RPGRIP1L: variants seen among roughly 807,000 people sequenced by gnomAD.
RPGRIP1L encodes protein fantom.
RPGRIP1L carries 131 observed loss-of-function variants against 160.4 expected under a neutral mutation model. The observed-to-expected ratio is 0.82, with a 90% CI of 0.71 to 0.94. The LOEUF (loss-of-function observed/expected upper bound fraction) is 0.94, where lower values mean the gene tolerates loss of function less well. Ranked by LOEUF, RPGRIP1L falls within the 40% of genes least tolerant of loss-of-function variation. The pLI, the probability that RPGRIP1L is intolerant of heterozygous loss-of-function variation, is 0.00. For missense variants in RPGRIP1L, 1,522 were observed against 1,535.8 expected (o/e 0.99, Z 0.15); for synonymous variants, 510 against 515.8 (o/e 0.99, Z 0.15).
rs530372835 is a variant in RPGRIP1L at position 53,654,633 on chromosome 16, G to A, written c.1700-1646C>T. 9.7e-4 allele frequency among the ~76,000 whole-genome samples: 148 copies of A among 152,278 alleles called. 3 individuals are homozygous for A. The South Asian group carries it at 0.02, about 20-fold the overall frequency. ...TGTCAACATCTTAGGAGTTCCATGA[G>A]GGTAGTGCCTCAGTTTTTCCTATTT... On this transcript the variant is annotated intron_variant, in intron 14 of 26. Coordinates refer to ENST00000647211, the MANE Select transcript of RPGRIP1L (RefSeq NM_015272.5).
At chr16:53,636,323 A>T in intron 22 of RPGRIP1L, 116 bp downstream of exon 22, 1 of 777,282 alleles carries the variant, frequency 1.3e-6, no homozygotes, top group Non-Finnish European at 2.2e-6. Context: ...GATAAACATT[A>T]AAGTTTTTCC....
At chr16:53,672,090 T>C (rs981584762) in intron 8 of RPGRIP1L, among the ~76,000 whole-genome samples, 1 of 152,172 alleles carries the variant, frequency 6.6e-6, no homozygotes, top group African/African-American at 2.4e-5. Flanking sequence ...TAGCACCTTT[T>C]GTGAATAAAT....
intron 2 of RPGRIP1L, among the ~76,000 whole-genome samples, chr16:53,698,395 G>A (rs1353244382): frequency 1.2e-4 from 17 of 140,872 alleles, no homozygotes; most frequent in East Asian, 2.3e-4. Flanking sequence ...CCGGCCAGCC[G>A]TCCTGTCTGG....
At position 53,610,993 on chromosome 16, in the gene RPGRIP1L, T is replaced by C; in HGVS notation, c.3675A>G (p.Leu1225=). Residue 1225 remains leucine, a synonymous_variant, in exon 25 of 27, where the codon CTA becomes CTG. Coordinates refer to ENST00000647211, the MANE Select transcript of RPGRIP1L (RefSeq NM_015272.5). The part of the protein sequence containing the change: ...KAKRDILKAI[L]QKQEMPNRSL... ...TTCTATTAGGCATCTCTTGTTTTTGTAGTATAGCTTTTAAGATGTCTCTCT... is the reference window on the plus strand; with the variant it reads ...TTCTATTAGGCATCTCTTGTTTTTGCAGTATAGCTTTTAAGATGTCTCTCT... The C allele has an allele frequency of 6.2e-7, 1 of 1,612,596 alleles. No homozygotes were observed. The highest frequency in any genetic ancestry group is 8.5e-7 in the Non-Finnish European group (1 of 1,178,690).
intron 14 of RPGRIP1L, 112 bp from the exon 15 acceptor site, chr16:53,653,099 A>G (rs1265549852): frequency 4.3e-6 from 4 of 941,110 alleles, no homozygotes; most frequent in East Asian, 5.1e-5. Context: ...TCTATTTTAA[A>G]TTCTATGACT....
intron 4 of RPGRIP1L, among the ~76,000 whole-genome samples, chr16:53,688,837 G>A (rs1476497632): frequency 6.6e-6 from 1 of 151,948 alleles, no homozygotes; most frequent in Non-Finnish European, 1.5e-5. Flanking sequence ...TCTTTCCAAA[G>A]TAGTCAATAT....
intron 17 of RPGRIP1L, among the ~76,000 whole-genome samples, chr16:53,644,861 G>C (rs1598307457): frequency 6.6e-6 from 1 of 152,152 alleles, no homozygotes; most frequent in African/African-American, 2.4e-5. Flanking sequence ...GAAGGAAAGA[G>C]ACAGGAAATG....
chr16:53,629,146 C>T (rs1373260321), intron 22 of RPGRIP1L, among the ~76,000 whole-genome samples: 2 of 152,100 alleles, frequency 1.3e-5, no homozygotes, highest in African/African-American at 4.8e-5. Context: ...TGTTGCAGTG[C>T]AGTGGTTCTT....
intron 22 of RPGRIP1L, among the ~76,000 whole-genome samples, chr16:53,634,118 G>A (rs986300272): frequency 6.6e-6 from 1 of 152,146 alleles, no homozygotes; most frequent in African/African-American, 2.4e-5. Flanking sequence ...ATGGTGCCTT[G>A]TTGCTGCATC....
intron 6 of RPGRIP1L, among the ~76,000 whole-genome samples, chr16:53,682,691 T>C (rs1191786578): frequency 5.9e-5 from 9 of 152,172 alleles, no homozygotes; most frequent in Non-Finnish European, 2.9e-5. Flanking sequence ...ATTCAGACAA[T>C]GTCTTAAACA....
At position 53,700,624 on chromosome 16, in the gene RPGRIP1L, A is replaced by T; in HGVS notation, c.85+15T>A. The T allele has an allele frequency of 6.3e-7, 1 of 1,592,124 alleles. No homozygotes were observed. The highest frequency in any genetic ancestry group is 8.6e-7 in the Non-Finnish European group (1 of 1,161,116). ...ATCAAAGTTCATAACTGTAATAAAT[A>T]ACAGCTGGCCATACCTTGTAACCCT... On this transcript the variant is annotated intron_variant, in intron 2 of 26. Transcript: ENST00000647211.
rs1242588637 is a variant in RPGRIP1L, at chr16:53,692,361, C to T, written c.234G>A (p.Met78Ile). The T allele has an allele frequency of 6.2e-7, 1 of 1,613,614 alleles. No homozygotes were observed. Among genetic ancestry groups the T allele is most frequent in the Non-Finnish European group, 8.5e-7 (1 of 1,179,648 alleles). Residue 78 changes from methionine (M) to isoleucine (I), a missense_variant, in exon 4 of 27, where the codon ATG becomes ATA. Met to Ile is a conservative substitution (Grantham distance 10, BLOSUM62 1). Transcript: ENST00000647211. ...TAACTAGCCGTATTAACTTGGTGGC[C>T]ATTCTGGGGAAATAATAAAAAGATG... ...ARKQEDKIKR[M>I]ATKLIRLVND... is the part of the protein sequence containing the mutation.
intron 24 of RPGRIP1L, among the ~76,000 whole-genome samples, chr16:53,615,235 T>C (rs1055223310): frequency 1.7e-4 from 26 of 152,112 alleles, no homozygotes; most frequent in Admixed American, 2.6e-4. Flanking sequence ...ATTAATCTTT[T>C]TCCTTCCACT....
intron 2 of RPGRIP1L, among the ~76,000 whole-genome samples, chr16:53,698,317 TG>T (rs1185770181): frequency 3.0e-4 from 25 of 84,592 alleles, no homozygotes; most frequent in East Asian, 7.3e-4. Flanking sequence ...GGGAGGGAGG[TG>T]GGGGGGTCAG....
intron 9 of RPGRIP1L, among the ~76,000 whole-genome samples, chr16:53,666,380 G>A (rs754358051): frequency 1.6e-4 from 25 of 151,938 alleles, no homozygotes; most frequent in Non-Finnish European, 1.2e-4. Flanking sequence ...AATTATTTAA[G>A]TTGATTTTAT....
rs545806765 is a variant in RPGRIP1L at position 53,703,715 on chromosome 16, G to A, written c.-8+88C>T. ...CAGGGCCTTCTCCAGGCGGCAGAGC[G>A]GACCCTAGGACCCCGGCCCGCGCTG... On this transcript the variant is annotated intron_variant, in intron 1 of 26. Coordinates refer to ENST00000647211, the MANE Select transcript of RPGRIP1L (RefSeq NM_015272.5). The A allele has an allele frequency of 1.6e-5, 4 of 253,568 alleles. No individual in the cohort carries two copies. In the East Asian group the frequency reaches 3.7e-4, roughly 23 times the overall value. The allele number at this position is 253,568 out of a possible 1,614,324, so 15.7% of individuals were successfully genotyped here.
chr16:53,680,540 A>T (rs564890027), intron 6 of RPGRIP1L, among the ~76,000 whole-genome samples: 3 of 152,194 alleles, frequency 2.0e-5, no homozygotes, highest in African/African-American at 7.2e-5. Context: ...CCTAGATCAA[A>T]AGAAAATAAA....
rs566710114 is a variant in RPGRIP1L at position 53,599,021 on chromosome 16, T to G, written c.*3055A>C. On this transcript the variant is annotated 3_prime_UTR_variant, in exon 27 of 27. Transcript: ENST00000647211. ...AAATTTTCCATATCCACAAAAATGT[T>G]AATCAGATTCTTGTTAGAACATGTG... is the stretch of plus-strand genomic sequence containing the variant. 2.6e-5 allele frequency: 4 copies of G among 152,352 alleles called. No homozygotes were observed. The highest frequency in any genetic ancestry group is 3.9e-4 in the East Asian group (2 of 5,186). The allele number at this position is 152,352 out of a possible 1,614,324, so 9.4% of individuals were successfully genotyped here.
chr16:53,665,087 T>G, intron 9 of RPGRIP1L, 78 bp from the exon 10 acceptor site: 1 of 1,552,042 alleles, frequency 6.4e-7, no homozygotes, highest in Non-Finnish European at 8.8e-7. Context: ...AAGCTTTTAG[T>G]GGCGCAGAGA....
Sources: allele counts gnomAD v4.1 joint callset (sites outside exome capture counted in the v4.1 genomes callset), GRCh38; gene constraint gnomAD v4.1.1; transcripts MANE v1.5; gene names NCBI Gene and HGNC (gene_info 2026-07-23, HGNC 2026-07-21).